Variants in PDE10A observed in about 807,000 individuals in gnomAD.
The protein encoded by PDE10A is phosphodiesterase 10A.
A neutral mutation model predicts 97.7 loss-of-function variants in PDE10A; 39 were observed. The ratio of observed to expected loss-of-function variants is 0.40; its 90% CI spans 0.31 to 0.52. The LOEUF is 0.52. Among genes scored for constraint, PDE10A ranks in the 20% least tolerant of loss-of-function variants. PDE10A has a pLI of 0.56. For synonymous variants in PDE10A, 371 were observed against 376.8 expected, an observed-to-expected ratio of 0.98 and a Z score of 0.18; for missense variants, 731 against 1,047.8, an observed-to-expected ratio of 0.70 and a Z score of 4.17.
At chr6:165,433,582 G>A (rs983318191) in intron 6 of PDE10A, among the ~76,000 whole-genome samples, 2 of 152,076 alleles carry the variant, frequency 1.3e-5, no homozygotes, top group South Asian at 2.1e-4. Flanking sequence ...AAAAGTGTAC[G>A]TTAATAACAG....
intron 1 of PDE10A, among the ~76,000 whole-genome samples, chr6:165,876,100 A>G (rs2128479710): frequency 6.6e-6 from 1 of 152,374 alleles, no homozygotes; most frequent in East Asian, 1.9e-4. Context: ...TGAATACCAC[A>G]AATGTTTATG....
chr6:165,772,685 A>G (rs1778047884), intron 1 of PDE10A, among the ~76,000 whole-genome samples: 1 of 152,218 alleles, frequency 6.6e-6, no homozygotes, highest in Non-Finnish European at 1.5e-5. Context: ...TTTTCCAAAT[A>G]AATCTAGCTG....
At chr6:165,922,898 C>G (rs1411886431) in intron 1 of PDE10A, among the ~76,000 whole-genome samples, 1 of 152,198 alleles carries the variant, frequency 6.6e-6, no homozygotes, top group African/African-American at 2.4e-5. Flanking sequence ...GTTCACTCCC[C>G]TCCATGAGTC....
At chr6:165,474,451 T>C (rs1779181877) in intron 3 of PDE10A, among the ~76,000 whole-genome samples, 1 of 152,246 alleles carries the variant, frequency 6.6e-6, no homozygotes, top group South Asian at 2.1e-4. Context: ...TAAACTTTTT[T>C]CCTTCTGTGT....
At chr6:165,695,608 T>C (rs1791424359) in intron 1 of PDE10A, among the ~76,000 whole-genome samples, 2 of 152,286 alleles carry the variant, frequency 1.3e-5, no homozygotes, top group Non-Finnish European at 2.9e-5. Flanking sequence ...GTGCAGGCTG[T>C]AAAACAGATA....
intron 1 of PDE10A, among the ~76,000 whole-genome samples, chr6:165,892,498 T>G (rs1461271002): frequency 6.6e-6 from 1 of 152,220 alleles, no homozygotes. Flanking sequence ...CTGTCCGTCC[T>G]TACCAGAAGG....
chr6:165,512,951 A>G (rs1345961248), intron 2 of PDE10A, among the ~76,000 whole-genome samples: 2 of 151,978 alleles, frequency 1.3e-5, no homozygotes, highest in African/African-American at 4.8e-5. Context: ...CCATTTATAT[A>G]TTCTCTTTGA....
chr6:165,551,883 C>G (rs1209454401), intron 1 of PDE10A, among the ~76,000 whole-genome samples: 1 of 152,178 alleles, frequency 6.6e-6, no homozygotes, highest in East Asian at 1.9e-4. Context: ...ATAAGTCTAA[C>G]TGGAGGATGG....
intron 1 of PDE10A, among the ~76,000 whole-genome samples, chr6:165,958,004 CG>C (rs1784190001): frequency 6.6e-6 from 1 of 152,112 alleles, no homozygotes; most frequent in Admixed American, 6.5e-5. Flanking sequence ...CAAGCATGAT[CG>C]TAACGGTCTT....
intron 1 of PDE10A, among the ~76,000 whole-genome samples, chr6:165,736,973 T>A (rs868632162): frequency 6.4e-4 from 97 of 152,224 alleles, no homozygotes; most frequent in African/African-American, 2.3e-3. Flanking sequence ...AGACACTACA[T>A]CCGATACTAC....
At chr6:165,582,076 G>T (rs1233426962) in intron 1 of PDE10A, among the ~76,000 whole-genome samples, 1 of 152,174 alleles carries the variant, frequency 6.6e-6, no homozygotes, top group African/African-American at 2.4e-5. Context: ...ACTTAAGCAG[G>T]TAGACAATAA....
At chr6:165,333,548 C>A (rs969587602) in intron 21 of PDE10A, among the ~76,000 whole-genome samples, 42 of 152,164 alleles carry the variant, frequency 2.8e-4, no homozygotes, top group Admixed American at 2.0e-3. Context: ...GTCGACAGTG[C>A]ATCTCCCAGG....
At chr6:165,502,998 ATTATAC>A in intron 2 of PDE10A, among the ~76,000 whole-genome samples, 1 of 152,310 alleles carries the variant, frequency 6.6e-6, no homozygotes, top group South Asian at 2.1e-4. Flanking sequence ...TTGTATGTAA[ATTATAC>A]CTCAATAAAG....
chr6:165,632,488 G>A (rs1788680289), intron 1 of PDE10A, among the ~76,000 whole-genome samples: 1 of 152,110 alleles, frequency 6.6e-6, no homozygotes, highest in Non-Finnish European at 1.5e-5. Flanking sequence ...AGACTTCAGG[G>A]AATCATTGTG....
At position 165,473,563 on chromosome 6, in the gene PDE10A, A is replaced by C. The variant is rs1779133216; in HGVS notation, c.1023+8752T>G. ...ATCACATAACCTCCGTCTTCTCAAA[A>C]ATATAGAGGCCACTATAATTAAGAG... On this transcript the variant is annotated intron_variant, in intron 3 of 21. Coordinates refer to ENST00000539869, the MANE Select transcript of PDE10A (RefSeq NM_001385079.1). 3.3e-5 allele frequency among the ~76,000 whole-genome samples: 5 copies of C among 152,290 alleles called. No homozygotes were observed. In the South Asian group the frequency reaches 1.0e-3, roughly 32 times the overall value.
intron 1 of PDE10A, among the ~76,000 whole-genome samples, chr6:165,971,600 C>T (rs1784677643): frequency 6.6e-6 from 1 of 152,120 alleles, no homozygotes; most frequent in African/African-American, 2.4e-5. Context: ...AAGTGCCTTG[C>T]CAATTAAGAA....
At chr6:165,521,543 T>A (rs999848091) in intron 2 of PDE10A, among the ~76,000 whole-genome samples, 1 of 152,222 alleles carries the variant, frequency 6.6e-6, no homozygotes, top group Non-Finnish European at 1.5e-5. Flanking sequence ...AACACATGAG[T>A]GATACAAAAG....
intron 1 of PDE10A, among the ~76,000 whole-genome samples, chr6:165,797,002 A>T (rs1389536930): frequency 6.6e-6 from 1 of 152,216 alleles, no homozygotes; most frequent in Non-Finnish European, 1.5e-5. Flanking sequence ...CCTATACTTG[A>T]TCCACACTGG....
In PDE10A at chr6:165,711,596, G is replaced by C. The variant is rs150735126; in HGVS notation, c.-614-168028C>G. Among the ~76,000 whole-genome samples, 5 of 152,172 alleles carry C rather than the reference G, an allele frequency of 3.3e-5. No homozygotes were observed. Among genetic ancestry groups the C allele is most frequent in the African/African-American group, 1.2e-4 (5 of 41,452 alleles). On this transcript the variant is annotated intron_variant, in intron 1 of 19. Transcript: ENST00000366882. This position sits in a 1 kb window ranked among gnomAD's most constrained non-coding sequence, Gnocchi z 4.5. ...CCTCCAGCCAGGCCCAAACGCTGAG[G>C]AATGTGAGTGTGTGTCTTGGTAGGG...
Sources: gnomAD v4.1 joint callset for allele counts (sites outside exome capture counted in the v4.1 genomes callset) on GRCh38, gnomAD v4.1.1 for gene constraint, Gnocchi (gnomAD v3.1) non-coding constraint, MANE v1.5 for transcripts, NCBI Gene and HGNC (gene_info 2026-07-23, HGNC 2026-07-21) for gene names.